The following AUTS2 variants were observed in gnomAD, a reference collection of about 807,000 sequenced individuals.
AUTS2 encodes autism susceptibility gene 2 protein.
A neutral mutation model predicts 112.4 loss-of-function variants in AUTS2; 17 were observed. The observed-to-expected ratio is 0.15, with a 90% CI of 0.10 to 0.23. The LOEUF is 0.23. Among genes scored for constraint, AUTS2 ranks in the 10% least tolerant of loss-of-function variants. The pLI is 1.00. For missense variants in AUTS2, 1,510 were observed against 1,701.6 expected (o/e 0.89, Z 1.98); for synonymous variants, 751 against 702.7 (o/e 1.07, Z -1.09).
intron 5 of AUTS2, among the ~76,000 whole-genome samples, chr7:70,574,271 A>C (rs1802068857): frequency 6.6e-6 from 1 of 152,208 alleles, no homozygotes; most frequent in Non-Finnish European, 1.5e-5. Context: ...ATCTGAAAAA[A>C]GGTCTTTTTT....
rs573264884 is a variant in AUTS2 at position 70,583,938 on chromosome 7, G to A, written c.691-114631G>A. On this transcript the variant is annotated intron_variant, in intron 5 of 18. Transcript: ENST00000342771. ...CAAAAATGAAAATATTTTCCCTGTGGGCCAAACAAAATTAATTTTAAAAAT... is the reference window on the plus strand; with the variant it reads ...CAAAAATGAAAATATTTTCCCTGTGAGCCAAACAAAATTAATTTTAAAAAT... 2.6e-5 allele frequency among the ~76,000 whole-genome samples: 4 copies of A among 152,174 alleles called. No homozygotes were observed. The East Asian group carries it at 7.7e-4, about 29-fold the overall frequency.
intron 4 of AUTS2, among the ~76,000 whole-genome samples, chr7:70,378,028 A>T (rs1416247150): frequency 6.6e-6 from 1 of 151,614 alleles, no homozygotes; most frequent in Non-Finnish European, 1.5e-5. Flanking sequence ...CGCCCATCTC[A>T]GCCTCCCAAA....
intron 1 of AUTS2, among the ~76,000 whole-genome samples, chr7:69,639,993 C>T (rs776142828): frequency 1.1e-4 from 17 of 152,118 alleles, no homozygotes; most frequent in East Asian, 1.9e-4. Context: ...CTTGGTCAAA[C>T]GCCTCACCTC....
chr7:70,303,434 G>GCGCACACACGCA (rs1241517255), intron 4 of AUTS2, among the ~76,000 whole-genome samples: 1 of 141,948 alleles, frequency 7.0e-6, no homozygotes, highest in Non-Finnish European at 1.6e-5. Context: ...GCGCGCGCGC[G>GCGCACACACGCA]CACATACACA....
chr7:70,329,525 A>T (rs562781196), intron 4 of AUTS2, among the ~76,000 whole-genome samples: 1 of 151,768 alleles, frequency 6.6e-6, no homozygotes, highest in Non-Finnish European at 1.5e-5. Context: ...TTCTTGACCA[A>T]TGATGTTGAG....
chr7:70,042,969 ATTATT>A (rs925518388), intron 2 of AUTS2, among the ~76,000 whole-genome samples: 2 of 152,012 alleles, frequency 1.3e-5, no homozygotes, highest in African/African-American at 4.8e-5. Flanking sequence ...ACATTTTGGA[ATTATT>A]TTATATGTAA....
At chr7:70,584,666 C>A (rs192230849) in intron 5 of AUTS2, among the ~76,000 whole-genome samples, 1 of 152,242 alleles carries the variant, frequency 6.6e-6, no homozygotes, top group East Asian at 1.9e-4. Flanking sequence ...AGGCCGAGAA[C>A]GCCATGCTTA....
chr7:70,275,550 A>G (rs1026730797), intron 4 of AUTS2, among the ~76,000 whole-genome samples: 2 of 152,134 alleles, frequency 1.3e-5, no homozygotes, highest in Non-Finnish European at 2.9e-5. Flanking sequence ...GTAAAAAAAA[A>G]TTTGTATATT....
intron 6 of AUTS2, among the ~76,000 whole-genome samples, chr7:70,754,536 T>C (rs567745780): frequency 7.9e-5 from 12 of 152,334 alleles, no homozygotes; most frequent in African/African-American, 2.9e-4. Context: ...GGTAATTGCA[T>C]GTTGATTCAC....
At chr7:69,901,662 T>C (rs1794974948) in intron 2 of AUTS2, among the ~76,000 whole-genome samples, 1 of 152,196 alleles carries the variant, frequency 6.6e-6, no homozygotes, top group African/African-American at 2.4e-5. Context: ...ATTGTATCTT[T>C]GGCCCTATGT....
chr7:70,023,777 G>A (rs550584530), intron 2 of AUTS2, among the ~76,000 whole-genome samples: 1 of 152,250 alleles, frequency 6.6e-6, no homozygotes, highest in African/African-American at 2.4e-5. Context: ...GTGCATCTGG[G>A]TGTCCATTCT....
intron 4 of AUTS2, among the ~76,000 whole-genome samples, chr7:70,275,103 A>G (rs529321746): frequency 6.6e-6 from 1 of 152,182 alleles, no homozygotes; most frequent in Non-Finnish European, 1.5e-5. Flanking sequence ...GGGCTGAAGT[A>G]CAGTGGCACA....
intron 4 of AUTS2, among the ~76,000 whole-genome samples, chr7:70,269,413 G>T (rs1454254736): frequency 6.6e-6 from 1 of 152,110 alleles, no homozygotes; most frequent in African/African-American, 2.4e-5. Flanking sequence ...GGGGGATGGG[G>T]GTGTTCTGGT....
intron 2 of AUTS2, among the ~76,000 whole-genome samples, chr7:70,048,581 A>G (rs1251333626): frequency 1.3e-5 from 2 of 152,228 alleles, no homozygotes; most frequent in African/African-American, 2.4e-5. Context: ...TGCTCAGAGA[A>G]TGTGTTTTGA....
intron 8 of AUTS2, 60 bp downstream of exon 8, chr7:70,765,065 A>G: frequency 1.3e-6 from 2 of 1,592,216 alleles, no homozygotes; most frequent in Non-Finnish European, 8.6e-7. Context: ...CTGTGACCTC[A>G]CCCTACCTAT....
chr7:70,222,629 C>T (rs17141302), intron 4 of AUTS2, among the ~76,000 whole-genome samples: 1,995 of 150,868 alleles, frequency 0.013, 48 homozygotes, highest in African/African-American at 0.043. Flanking sequence ...TCTCAAGATA[C>T]TTCATGAACC....
intron 1 of AUTS2, among the ~76,000 whole-genome samples, chr7:69,826,737 C>G (rs568782577): frequency 6.6e-6 from 1 of 152,178 alleles, no homozygotes; most frequent in South Asian, 2.1e-4. Flanking sequence ...TATTTTATTC[C>G]TAGGCAAGGT....
At chr7:69,958,631 G>A (rs901515753) in intron 2 of AUTS2, among the ~76,000 whole-genome samples, 3 of 152,094 alleles carry the variant, frequency 2.0e-5, no homozygotes, top group Admixed American at 6.6e-5. Context: ...TTCTCTCTGG[G>A]CCTGTTTCAG....
intron 4 of AUTS2, among the ~76,000 whole-genome samples, chr7:70,333,790 C>T (rs1390796919): frequency 6.6e-6 from 1 of 152,008 alleles, no homozygotes. Flanking sequence ...GGGAACATCA[C>T]ACACCAGGGC....
Sources: allele counts gnomAD v4.1 joint callset (sites outside exome capture counted in the v4.1 genomes callset), GRCh38; gene constraint gnomAD v4.1.1; transcripts MANE v1.5; gene names NCBI Gene and HGNC (gene_info 2026-07-23, HGNC 2026-07-21).